Variants in MTUS2 observed in about 807,000 individuals in gnomAD.
MTUS2 encodes microtubule associated scaffold protein 2, also known as microtubule-associated tumor suppressor candidate 2.
In MTUS2, 40 loss-of-function variants were observed where a neutral mutation model predicts 114.1. The observed-to-expected ratio is 0.35, with a 90% CI of 0.27 to 0.46. MTUS2 has a LOEUF of 0.46. Ranked by LOEUF, MTUS2 falls within the 20% of genes least tolerant of loss-of-function variation. MTUS2 has a pLI of 1.00. For missense variants in MTUS2, 1,679 were observed against 1,705.4 expected, an observed-to-expected ratio of 0.98 and a Z score of 0.27; for synonymous variants, 688 against 672.0, an observed-to-expected ratio of 1.02 and a Z score of -0.37.
intron 2 of MTUS2, among the ~76,000 whole-genome samples, chr13:28,870,821 C>G (rs1259322571): frequency 2.6e-5 from 4 of 152,176 alleles, no homozygotes; most frequent in Non-Finnish European, 5.9e-5. Flanking sequence ...TCTTCCTCCT[C>G]CCCATGAATG....
chr13:29,478,726 T>G (rs1880908853), intron 9 of MTUS2, among the ~76,000 whole-genome samples: 1 of 152,124 alleles, frequency 6.6e-6, no homozygotes, highest in Admixed American at 6.5e-5. Context: ...CACTCTGCCC[T>G]CGGTGGGCCC....
chr13:29,375,553 AT>A (rs1566163229), intron 8 of MTUS2, among the ~76,000 whole-genome samples: 12 of 35,720 alleles, frequency 3.4e-4, no homozygotes, highest in East Asian at 2.0e-3. Flanking sequence ...ATATATATAT[AT>A]ATACGTATAT....
chr13:29,138,716 T>A (rs1370449414), intron 5 of MTUS2, among the ~76,000 whole-genome samples: 4 of 146,832 alleles, frequency 2.7e-5, no homozygotes, highest in African/African-American at 4.9e-5. Context: ...GTAAAATTTA[T>A]GATAAATAAA....
chr13:29,062,237 C>G (rs1009868962), intron 4 of MTUS2, among the ~76,000 whole-genome samples: 1 of 152,226 alleles, frequency 6.6e-6, no homozygotes, highest in African/African-American at 2.4e-5. Flanking sequence ...CCACCTGCCT[C>G]AGCCTCCCAA....
rs546447632 is a variant in MTUS2, at chr13:29,371,978, C to G, written c.3117+12505C>G. Among the ~76,000 whole-genome samples, 6 of 37,838 alleles carry G rather than the reference C, an allele frequency of 1.6e-4. 1 individual carries two copies. Among genetic ancestry groups the G allele is most frequent in the African/African-American group, 4.4e-4 (4 of 9,072 alleles). 24.8% of individuals were successfully genotyped at this position (37,838 alleles called of 152,430 possible). ...GATCTTAAGTGTCCTCAACCCCCGCCCCCCCCCCCACACACACACACAAGC... is the reference window on the plus strand; with the variant it reads ...GATCTTAAGTGTCCTCAACCCCCGCGCCCCCCCCCACACACACACACAAGC... On this transcript the variant is annotated intron_variant, in intron 8 of 15. Transcript: ENST00000612955.
At position 29,111,662 on chromosome 13, in the gene MTUS2, T is replaced by A. The variant is rs551751786; in HGVS notation, c.2644+10692T>A. ...TCATGGGAACTTTGCCAACAGTATG[T>A]GCTTTCTTGCATTGTTGTAACATGC... On this transcript the variant is annotated intron_variant, in intron 5 of 15. Coordinates refer to ENST00000612955, the MANE Select transcript of MTUS2 (RefSeq NM_001033602.4). Among the ~76,000 whole-genome samples the A allele has an allele frequency of 2.0e-5, 3 of 152,366 alleles. No homozygotes were observed. In the East Asian group the frequency reaches 5.8e-4, roughly 29 times the overall value.
chr13:29,134,057 T>G (rs774951049), intron 5 of MTUS2, among the ~76,000 whole-genome samples: 6 of 152,228 alleles, frequency 3.9e-5, no homozygotes, highest in Non-Finnish European at 7.3e-5. Context: ...CTGCTTTTGT[T>G]TATTCCCTAA....
intron 8 of MTUS2, among the ~76,000 whole-genome samples, chr13:29,428,113 C>T (rs1256046606): frequency 6.6e-6 from 1 of 152,122 alleles, no homozygotes; most frequent in South Asian, 2.1e-4. Flanking sequence ...AGCGACTTCA[C>T]AGTTATATTT....
At chr13:29,391,300 G>A (rs939462357) in intron 8 of MTUS2, among the ~76,000 whole-genome samples, 1 of 152,168 alleles carries the variant, frequency 6.6e-6, no homozygotes, top group African/African-American at 2.4e-5. Context: ...ATGTTGGCCA[G>A]GTTGGACACC....
chr13:28,831,374 A>G (rs977671198), intron 1 of MTUS2, among the ~76,000 whole-genome samples: 2 of 152,152 alleles, frequency 1.3e-5, no homozygotes, highest in Non-Finnish European at 2.9e-5. Flanking sequence ...TGAAATAAAC[A>G]TGACTCAACT....
At chr13:28,849,556 C>T (rs2138022497) in intron 2 of MTUS2, among the ~76,000 whole-genome samples, 1 of 152,314 alleles carries the variant, frequency 6.6e-6, no homozygotes, top group Non-Finnish European at 1.5e-5. Context: ...AGCTTCACAG[C>T]AGCACTACCT....
At chr13:29,372,201 C>G (rs553658442) in intron 8 of MTUS2, among the ~76,000 whole-genome samples, 45 of 151,626 alleles carry the variant, frequency 3.0e-4, no homozygotes, top group African/African-American at 9.9e-4. Context: ...TGTGCACCTG[C>G]CACTTTTCTT....
At chr13:29,358,970 A>AAAG in intron 7 of MTUS2, among the ~76,000 whole-genome samples, 1 of 151,422 alleles carries the variant, frequency 6.6e-6, no homozygotes. Flanking sequence ...AAAAAAAAAA[A>AAAG]AGCTTCTCTC....
chr13:29,232,966 T>C (rs1896391760), intron 5 of MTUS2, among the ~76,000 whole-genome samples: 4 of 152,154 alleles, frequency 2.6e-5, no homozygotes, highest in Admixed American at 2.6e-4. Flanking sequence ...TTCCTAAATG[T>C]TCAGAGTCTC....
rs1448286896 is a variant in MTUS2, at chr13:29,100,832, C to T, written c.2506C>T (p.Leu836Phe). 1 of 1,551,686 alleles carries T rather than the reference C, an allele frequency of 6.4e-7. No homozygotes were observed. The highest frequency in any genetic ancestry group is 8.7e-7 in the Non-Finnish European group (1 of 1,147,058). Residue 836 changes from leucine to phenylalanine, a missense_variant, in exon 5 of 16, where the codon CTC becomes TTC. Transcript: ENST00000612955. ...AAAATCCAATCTCCCGAAATCTGGTCTCCGTCCTCCCGGATACTCACGTCT... is the reference window on the plus strand; with the variant it reads ...AAAATCCAATCTCCCGAAATCTGGTTTCCGTCCTCCCGGATACTCACGTCT... ...AAKSNLPKSG[L>F]RPPGYSRLPA...
At chr13:28,846,068 A>ATG (rs1875866563) in intron 2 of MTUS2, among the ~76,000 whole-genome samples, 1 of 149,412 alleles carries the variant, frequency 6.7e-6, no homozygotes, top group Non-Finnish European at 1.5e-5. Context: ...ATATATATAT[A>ATG]TATATATTCC....
chr13:29,261,173 C>T (rs1897458308), intron 5 of MTUS2, among the ~76,000 whole-genome samples: 1 of 152,204 alleles, frequency 6.6e-6, no homozygotes, highest in African/African-American at 2.4e-5. Flanking sequence ...TTTTGACTTA[C>T]AAGTTGACAT....
chr13:29,294,741 T>G (rs1312194624), intron 6 of MTUS2, among the ~76,000 whole-genome samples: 1 of 152,192 alleles, frequency 6.6e-6, no homozygotes. Flanking sequence ...CATGAACAGA[T>G]TTTGCCATTG....
At chr13:28,895,803 C>T (rs1879231706) in intron 2 of MTUS2, among the ~76,000 whole-genome samples, 1 of 152,136 alleles carries the variant, frequency 6.6e-6, no homozygotes, top group Admixed American at 6.6e-5. Flanking sequence ...ACGTTAAATA[C>T]AATGCAGAAT....
Sources: allele counts gnomAD v4.1 joint callset (sites outside exome capture counted in the v4.1 genomes callset), GRCh38; gene constraint gnomAD v4.1.1; transcripts MANE v1.5; gene names NCBI Gene and HGNC (gene_info 2026-07-23, HGNC 2026-07-21).